OR52M1: variants seen among roughly 807,000 people sequenced by gnomAD.
The protein encoded by OR52M1 is olfactory receptor 52M1.
In OR52M1, 2 loss-of-function variants were observed where a neutral mutation model predicts 1.3. The ratio of observed to expected loss-of-function variants is 1.59; its 90% CI spans 0.65 to 5.01. The LOEUF (loss-of-function observed/expected upper bound fraction) is 5.01. Among genes scored for constraint, OR52M1 ranks in the 30% most tolerant of loss-of-function variants. The pLI, the probability that OR52M1 is intolerant of heterozygous loss-of-function variation, is 0.06. For synonymous variants in OR52M1, 234 were observed against 151.4 expected (o/e 1.55, Z -4.01); for missense variants, 585 against 403.7 (o/e 1.45, Z -3.85).
rs1477734621 is a variant in OR52M1 at position 4,545,516 on chromosome 11, T to C, written c.326T>C (p.Phe109Ser). 1.9e-6 allele frequency: 3 copies of C among 1,613,554 alleles called. No homozygotes were observed. Among genetic ancestry groups the C allele is most frequent in the Non-Finnish European group, 2.5e-6 (3 of 1,179,772 alleles). Residue 109 changes from phenylalanine to serine, a missense_variant, in exon 1 of 1, where the codon TTT (phenylalanine) becomes TCT (serine). Phe to Ser is a radical substitution (Grantham distance 155). Coordinates refer to ENST00000360213, the MANE Select transcript of OR52M1 (RefSeq NM_001004137.1). ...GGCCAAATGTTCCTTATCCACTGCTTTGCCACTGTTGAGTCAGGCATCTTC... is the reference window on the plus strand; with the variant it reads ...GGCCAAATGTTCCTTATCCACTGCTCTGCCACTGTTGAGTCAGGCATCTTC... ...CLGQMFLIHC[F>S]ATVESGIFLA...
rs1846938085 is a variant in OR52M1 at position 4,545,339 on chromosome 11, T to C, written c.149T>C (p.Val50Ala). The stretch of plus-strand genomic sequence containing the variant: ...GTGGGGAATGTGACCATCCTGGCTG[T>C]GGTAAAGATAGAACGCAGCCTGCAC... ...AVVGNVTILA[V>A]VKIERSLHQP... The change falls in exon 1 of 1, where the codon GTG (valine) becomes GCG (alanine). Residue 50 changes from valine to alanine, a missense_variant. Transcript: ENST00000360213. 1 of 1,614,172 alleles carries C rather than the reference T, an allele frequency of 6.2e-7. No homozygotes were observed. The highest frequency in any genetic ancestry group is 8.5e-7 in the Non-Finnish European group (1 of 1,180,004).
At position 4,545,561 on chromosome 11, in the gene OR52M1, G is replaced by A. The variant is rs151324476; in HGVS notation, c.371G>A (p.Arg124His). The A allele has an allele frequency of 3.7e-5, 60 of 1,611,512 alleles. No individual in the cohort carries two copies. The highest frequency in any genetic ancestry group is 6.7e-5 in the East Asian group (3 of 44,882). ...ATCTTCCTTGCCATGGCTTTTGATC[G>A]CTACGTGGCCATCTGCAACCCACTA... ...SGIFLAMAFD[R>H]YVAICNPLRH... Residue 124 changes from arginine to histidine, a missense_variant, in exon 1 of 1, where the codon CGC becomes CAC. By Grantham distance (29) the Arg-to-His change is conservative. Coordinates refer to ENST00000360213, the MANE Select transcript of OR52M1 (RefSeq NM_001004137.1).
rs1846938582 is a variant in OR52M1 at position 4,545,358 on chromosome 11, C to T, written c.168C>T (p.Ser56=). The T allele has an allele frequency of 1.2e-6, 2 of 1,614,096 alleles. No homozygotes were observed. Among genetic ancestry groups the T allele is most frequent in the Admixed American group, 1.7e-5 (1 of 60,022 alleles). The change falls in exon 1 of 1, where the codon AGC becomes AGT. Residue 56 remains serine (S), a synonymous_variant. Coordinates refer to ENST00000360213, the MANE Select transcript of OR52M1 (RefSeq NM_001004137.1). ...TGGCTGTGGTAAAGATAGAACGCAG[C>T]CTGCACCAGCCCATGTACTTTTTCT... ...TILAVVKIER[S]LHQPMYFFLC...
rs1328655820 is a variant in OR52M1 at position 4,546,118 on chromosome 11, C to T, written c.928C>T (p.Pro310Ser). The T allele has an allele frequency of 6.2e-7, 1 of 1,602,984 alleles. No homozygotes were observed. Among genetic ancestry groups the T allele is most frequent in the Non-Finnish European group, 8.5e-7 (1 of 1,173,122 alleles). ...GATCCGAGAGAGCCTTCTCCAAATA[C>T]CAAGGATAGAAATGAAGATTAGATG... ...KQIRESLLQI[P>S]RIEMKIR The change falls in exon 1 of 1, where the codon CCA (proline) becomes TCA (serine). Residue 310 changes from proline to serine, a missense_variant. Physicochemically the swap from Pro to Ser is moderately conservative, Grantham distance 74. Transcript: ENST00000360213.
At position 4,545,885 on chromosome 11, in the gene OR52M1, C is replaced by A. The variant is rs756537964; in HGVS notation, c.695C>A (p.Ala232Asp). ...ATTTTCAGGGCCGTGATGGGGTTAG[C>A]CACTCCTGAGGCTAGGCTTAAAACC... ...VMIFRAVMGL[A>D]TPEARLKTLG... The change falls in exon 1 of 1, where the codon GCC becomes GAC. Residue 232 changes from alanine to aspartate, a missense_variant. Coordinates refer to ENST00000360213, the MANE Select transcript of OR52M1 (RefSeq NM_001004137.1). The A allele has an allele frequency of 1.2e-5, 19 of 1,614,062 alleles. No individual in the cohort carries two copies. The East Asian group carries it at 3.1e-4, about 27-fold the overall frequency.
rs776180864 is a variant in OR52M1, at chr11:4,545,588, G to A, written c.398G>A (p.Arg133His). 22 of 1,612,774 alleles carry A rather than the reference G, an allele frequency of 1.4e-5. No homozygotes were observed. The highest frequency in any genetic ancestry group is 1.1e-4 in the African/African-American group (8 of 74,896). ...DRYVAICNPL[R>H]HSMVLTYTVV... is the part of the protein sequence containing the mutation. The stretch of plus-strand genomic sequence containing the variant: ...TACGTGGCCATCTGCAACCCACTAC[G>A]TCATAGCATGGTGCTCACTTATACA... The change falls in exon 1 of 1, where the codon CGT becomes CAT. Residue 133 changes from arginine (R) to histidine (H), a missense_variant. Coordinates refer to ENST00000360213, the MANE Select transcript of OR52M1 (RefSeq NM_001004137.1).
At position 4,546,021 on chromosome 11, in the gene OR52M1, T is replaced by A. The variant is rs758627118; in HGVS notation, c.831T>A (p.Thr277=). 6.2e-7 allele frequency: 1 copy of A among 1,614,108 alleles called. No homozygotes were observed. The highest frequency in any genetic ancestry group is 8.5e-7 in the Non-Finnish European group (1 of 1,179,966). The part of the protein sequence containing the change: ...FGQCVPPPVH[T]LLANFYLLIP... ...AGTGTGTGCCTCCTCCAGTCCACAC[T>A]CTGCTGGCCAACTTCTATCTCCTCA... The change falls in exon 1 of 1, where the codon ACT becomes ACA. Residue 277 remains threonine (T), a synonymous_variant. Coordinates refer to ENST00000360213, the MANE Select transcript of OR52M1 (RefSeq NM_001004137.1).
Position 4,545,606 on chromosome 11 carries a change from C to T in OR52M1, c.416C>T (p.Thr139Ile). 10 of 1,613,460 alleles carry T rather than the reference C, an allele frequency of 6.2e-6. No individual in the cohort carries two copies. Among genetic ancestry groups the T allele is most frequent in the Non-Finnish European group, 8.5e-6 (10 of 1,179,700 alleles). ...CCACTACGTCATAGCATGGTGCTCA[C>T]TTATACAGTGGTGGGTCGTTTGGGG... ...CNPLRHSMVL[T>I]YTVVGRLGLV... The change falls in exon 1 of 1, where the codon ACT becomes ATT. Residue 139 changes from threonine (T) to isoleucine (I), a missense_variant. Coordinates refer to ENST00000360213, the MANE Select transcript of OR52M1 (RefSeq NM_001004137.1).
rs1318882051 is a variant in OR52M1 at position 4,545,394 on chromosome 11, G to C, written c.204G>C (p.Leu68Phe). The change falls in exon 1 of 1, where the codon TTG becomes TTC. Residue 68 changes from leucine (L) to phenylalanine (F), a missense_variant. Coordinates refer to ENST00000360213, the MANE Select transcript of OR52M1 (RefSeq NM_001004137.1). ...CCATGTACTTTTTCTTGTGCATGTT[G>C]GCTGCCATTGACCTGGTTCTGTCTA... ...HQPMYFFLCM[L>F]AAIDLVLSTS... 1 of 1,614,110 alleles carries C rather than the reference G, an allele frequency of 6.2e-7. No individual in the cohort carries two copies. Among genetic ancestry groups the C allele is most frequent in the South Asian group, 1.1e-5 (1 of 91,076 alleles).
Position 4,545,721 on chromosome 11 carries a change from C to T in OR52M1, c.531C>T (p.Ile177=), listed in dbSNP as rs570901549. The stretch of plus-strand genomic sequence containing the variant: ...TGCCCCTTTATAAAACCCATGTTAT[C>T]TCCCACTCCTACTGTGAGCACATGG... ...LRLPLYKTHV[I]SHSYCEHMAV... The change falls in exon 1 of 1, where the codon ATC becomes ATT. Residue 177 remains isoleucine (I), a synonymous_variant. Coordinates refer to ENST00000360213, the MANE Select transcript of OR52M1 (RefSeq NM_001004137.1). The T allele has an allele frequency of 1.5e-4, 250 of 1,613,688 alleles. 4 individuals are homozygous for T. In the South Asian group the frequency reaches 2.6e-3, roughly 17 times the overall value.
At position 4,545,705 on chromosome 11, in the gene OR52M1, A is replaced by T. The variant is rs891581617; in HGVS notation, c.515A>T (p.Tyr172Phe). Residue 172 changes from tyrosine (Y) to phenylalanine (F), a missense_variant, in exon 1 of 1, where the codon TAT becomes TTT. Tyr to Phe is a conservative substitution (Grantham distance 22). Coordinates refer to ENST00000360213, the MANE Select transcript of OR52M1 (RefSeq NM_001004137.1). The part of the protein sequence containing the change: ...PLMIRLRLPL[Y>F]KTHVISHSYC... The stretch of plus-strand genomic sequence containing the variant: ...ATGATCCGCCTGCGGCTGCCCCTTT[A>T]TAAAACCCATGTTATCTCCCACTCC... 1 of 1,613,432 alleles carries T rather than the reference A, an allele frequency of 6.2e-7. No homozygotes were observed. The highest frequency in any genetic ancestry group is 8.5e-7 in the Non-Finnish European group (1 of 1,179,700).
rs185122819 is a variant in OR52M1, at chr11:4,545,458, G to A, written c.268G>A (p.Gly90Ser). 1.0e-4 allele frequency: 164 copies of A among 1,614,160 alleles called. No individual in the cohort carries two copies. Among genetic ancestry groups the A allele is most frequent in the East Asian group, 3.1e-4 (14 of 44,886 alleles). The change falls in exon 1 of 1, where the codon GGT (glycine) becomes AGT (serine). Residue 90 changes from glycine to serine, a missense_variant. Coordinates refer to ENST00000360213, the MANE Select transcript of OR52M1 (RefSeq NM_001004137.1). The stretch of plus-strand genomic sequence containing the variant: ...CAAACTTCTGGGAATCTTCTGGTTC[G>A]GTGCTTGTGACATTGGCCTGGACGC... ...IPKLLGIFWF[G>S]ACDIGLDACL...
rs1451308558 is a variant in OR52M1, at chr11:4,545,765, G to T, written c.575G>T (p.Cys192Phe). The change falls in exon 1 of 1, where the codon TGT becomes TTT. Residue 192 changes from cysteine (C) to phenylalanine (F), a missense_variant. By Grantham distance (205) the Cys-to-Phe change is radical. Coordinates refer to ENST00000360213, the MANE Select transcript of OR52M1 (RefSeq NM_001004137.1). Reference sequence around the variant, plus strand: ...CACATGGCTGTAGTTGCCTTGACATGTGGCGACAGCAGGGTCAATAATGTC... The same window carrying T: ...CACATGGCTGTAGTTGCCTTGACATTTGGCGACAGCAGGGTCAATAATGTC... Reference protein sequence around the residue: ...CEHMAVVALTCGDSRVNNVYG... With the variant: ...CEHMAVVALTFGDSRVNNVYG... The T allele has an allele frequency of 4.3e-6, 7 of 1,613,956 alleles. No homozygotes were observed. The highest frequency in any genetic ancestry group is 1.3e-5 in the African/African-American group (1 of 74,878).
Position 4,545,906 on chromosome 11 carries a change from A to C in OR52M1, c.716A>C (p.Lys239Thr). 6.2e-7 allele frequency: 1 copy of C among 1,614,048 alleles called. No homozygotes were observed. The highest frequency in any genetic ancestry group is 8.5e-7 in the Non-Finnish European group (1 of 1,180,000). Residue 239 changes from lysine (K) to threonine (T), a missense_variant, in exon 1 of 1, where the codon AAA (lysine) becomes ACA (threonine). By Grantham distance (78) the Lys-to-Thr change is moderately conservative. Transcript: ENST00000360213. Reference sequence around the variant, plus strand: ...TTAGCCACTCCTGAGGCTAGGCTTAAAACCCTGGGGACATGCGCTTCTCAC... The same window carrying C: ...TTAGCCACTCCTGAGGCTAGGCTTACAACCCTGGGGACATGCGCTTCTCAC... ...MGLATPEARL[K>T]TLGTCASHLC...
rs1341502179 is a variant in OR52M1 at position 4,545,816 on chromosome 11, T to C, written c.626T>C (p.Val209Ala). Residue 209 changes from valine (V) to alanine (A), a missense_variant, in exon 1 of 1, where the codon GTG (valine) becomes GCG (alanine). By Grantham distance (64) the Val-to-Ala change is moderately conservative. Transcript: ENST00000360213. ...NVYGLSIGFL[V>A]LILDSVAIAA... ...TATGGGCTGAGCATCGGCTTTCTGG[T>C]GTTGATCCTGGACTCAGTGGCTATT... The C allele has an allele frequency of 1.2e-6, 2 of 1,614,186 alleles. No homozygotes were observed. Among genetic ancestry groups the C allele is most frequent in the Non-Finnish European group, 1.7e-6 (2 of 1,180,022 alleles).
At position 4,545,772 on chromosome 11, in the gene OR52M1, C is replaced by G. The variant is rs568160789; in HGVS notation, c.582C>G (p.Asp194Glu). 7 of 1,614,156 alleles carry G rather than the reference C, an allele frequency of 4.3e-6. No individual in the cohort carries two copies. In the South Asian group the frequency reaches 7.7e-5, roughly 18 times the overall value. ...HMAVVALTCG[D>E]SRVNNVYGLS... ...CTGTAGTTGCCTTGACATGTGGCGA[C>G]AGCAGGGTCAATAATGTCTATGGGC... is the stretch of plus-strand genomic sequence containing the variant. The change falls in exon 1 of 1, where the codon GAC becomes GAG. Residue 194 changes from aspartate to glutamate, a missense_variant. Coordinates refer to ENST00000360213, the MANE Select transcript of OR52M1 (RefSeq NM_001004137.1).
In OR52M1 at chr11:4,545,592, TA is replaced by T; in HGVS notation, c.403del (p.Ser135AlafsTer29). On this transcript the variant is annotated frameshift_variant, in exon 1 of 1. Transcript: ENST00000360213. LOFTEE classifies it low-confidence loss of function (END_TRUNC). ...TGGCCATCTGCAACCCACTACGTCA[TA>T]GCATGGTGCTCACTTATACAGTGGT... ...YVAICNPLRH[S>X]MVLTYTVVGR... 1 of 1,612,962 alleles carries T rather than the reference TA, an allele frequency of 6.2e-7. No homozygotes were observed. The highest frequency in any genetic ancestry group is 8.5e-7 in the Non-Finnish European group (1 of 1,179,524).
At position 4,545,560 on chromosome 11, in the gene OR52M1, C is replaced by A. The variant is rs61751908; in HGVS notation, c.370C>A (p.Arg124Ser). ...CATCTTCCTTGCCATGGCTTTTGAT[C>A]GCTACGTGGCCATCTGCAACCCACT... ...SGIFLAMAFD[R>S]YVAICNPLRH... The change falls in exon 1 of 1, where the codon CGC (arginine) becomes AGC (serine). Residue 124 changes from arginine (R) to serine (S), a missense_variant. Physicochemically the swap from Arg to Ser is moderately radical, Grantham distance 110. Transcript: ENST00000360213. 6 of 1,611,428 alleles carry A rather than the reference C, an allele frequency of 3.7e-6. No individual in the cohort carries two copies. The highest frequency in any genetic ancestry group is 5.1e-6 in the Non-Finnish European group (6 of 1,178,742).
rs1444760465 is a variant in OR52M1 at position 4,545,528 on chromosome 11, A to G, written c.338A>G (p.Glu113Gly). The G allele has an allele frequency of 1.2e-6, 2 of 1,613,248 alleles. No individual in the cohort carries two copies. The highest frequency in any genetic ancestry group is 1.1e-5 in the South Asian group (1 of 90,912). Residue 113 changes from glutamate to glycine, a missense_variant, in exon 1 of 1, where the codon GAG (glutamate) becomes GGG (glycine). Physicochemically the swap from Glu to Gly is moderately conservative, Grantham distance 98. Transcript: ENST00000360213. The stretch of plus-strand genomic sequence containing the variant: ...CTTATCCACTGCTTTGCCACTGTTG[A>G]GTCAGGCATCTTCCTTGCCATGGCT... ...MFLIHCFATVESGIFLAMAFD... is the reference protein window; with the variant it reads ...MFLIHCFATVGSGIFLAMAFD...
Sources: gnomAD v4.1 joint callset for allele counts on GRCh38, gnomAD v4.1.1 for gene constraint, MANE v1.5 for transcripts, NCBI Gene and HGNC (gene_info 2026-07-23, HGNC 2026-07-21) for gene names.